DAB1: variants seen among roughly 807,000 people sequenced by gnomAD.
DAB1 encodes disabled homolog 1.
A neutral mutation model predicts 64.6 loss-of-function variants in DAB1; 15 were observed. The ratio of observed to expected loss-of-function variants is 0.23; its 90% CI spans 0.16 to 0.36. The LOEUF (loss-of-function observed/expected upper bound fraction) is 0.36. Among genes scored for constraint, DAB1 ranks in the 10% least tolerant of loss-of-function variants. The pLI is 1.00. For synonymous variants in DAB1, 235 were observed against 251.9 expected, an observed-to-expected ratio of 0.93 and a Z score of 0.64; for missense variants, 596 against 706.7, an observed-to-expected ratio of 0.84 and a Z score of 1.78.
At chr1:57,119,403 T>TAA (rs755541999) in intron 4 of DAB1, among the ~76,000 whole-genome samples, 1 of 152,142 alleles carries the variant, frequency 6.6e-6, no homozygotes, top group Non-Finnish European at 1.5e-5. Flanking sequence ...CTTGAGCACT[T>TAA]AGAGACCTCA....
chr1:57,578,616 T>C (rs1174246519), intron 7 of DAB1, among the ~76,000 whole-genome samples: 1 of 152,234 alleles, frequency 6.6e-6, no homozygotes, highest in African/African-American at 2.4e-5. Flanking sequence ...TCACTGACAC[T>C]TTGCAGGTGC....
chr1:57,268,479 C>G (rs1029127457), intron 2 of DAB1, among the ~76,000 whole-genome samples: 3 of 152,170 alleles, frequency 2.0e-5, no homozygotes, highest in African/African-American at 7.2e-5. Context: ...TACTGGCAGT[C>G]TCAATTCATC....
intron 5 of DAB1, chr1:58,048,103 C>G: frequency 1.2e-6 from 1 of 863,222 alleles, no homozygotes; most frequent in Non-Finnish European, 1.9e-6. Flanking sequence ...GCTGAGTTCA[C>G]AAATCTGTTG....
At chr1:57,409,200 T>C (rs1016531716) in intron 1 of DAB1, among the ~76,000 whole-genome samples, 13 of 152,160 alleles carry the variant, frequency 8.5e-5, no homozygotes, top group African/African-American at 2.9e-4. Context: ...ACCACAGAGG[T>C]AGCAGATAGT....
chr1:58,247,202 G>A (rs1383837763), intron 4 of DAB1, among the ~76,000 whole-genome samples: 3 of 151,400 alleles, frequency 2.0e-5, no homozygotes, highest in Non-Finnish European at 4.4e-5. Context: ...AAATCATTTT[G>A]TCATCACTGC....
At chr1:57,462,896 T>C (rs1407310982) in intron 7 of DAB1, among the ~76,000 whole-genome samples, 1 of 152,110 alleles carries the variant, frequency 6.6e-6, no homozygotes, top group African/African-American at 2.4e-5. Context: ...CTGTAGTCAG[T>C]CTGGCTTGGC....
chr1:57,499,978 T>C (rs983539775), intron 7 of DAB1, among the ~76,000 whole-genome samples: 1 of 152,200 alleles, frequency 6.6e-6, no homozygotes, highest in African/African-American at 2.4e-5. Flanking sequence ...ATATATACAT[T>C]GTATAAATTG....
rs182466747 is a variant in DAB1, at chr1:58,083,785, C to T, written n.387+66726G>A. Reference sequence around the variant, plus strand: ...AATACAATGATAGGTAGGAAAATTACGCTGATGAAAAAATTAAGCAACATC... The same window carrying T: ...AATACAATGATAGGTAGGAAAATTATGCTGATGAAAAAATTAAGCAACATC... On this transcript the variant is annotated intron_variant and non_coding_transcript_variant, in intron 5 of 20. Coordinates refer to the DAB1 transcript ENST00000485760. Among the ~76,000 whole-genome samples the T allele has an allele frequency of 1.1e-4, 16 of 152,204 alleles. 1 individual carries two copies. In the Middle Eastern group the frequency reaches 0.01, roughly 97 times the overall value.
chr1:58,008,222 T>C (rs1646614964), intron 5 of DAB1, among the ~76,000 whole-genome samples: 1 of 152,158 alleles, frequency 6.6e-6, no homozygotes, highest in South Asian at 2.1e-4. Context: ...TTAGGAAATA[T>C]TGGAGCTGGG....
intron 5 of DAB1, among the ~76,000 whole-genome samples, chr1:58,042,394 ACT>A (rs1647150068): frequency 1.3e-5 from 2 of 152,228 alleles, no homozygotes; most frequent in South Asian, 4.1e-4. Flanking sequence ...TGTATCAGAC[ACT>A]GTTAGACACT....
At chr1:58,523,756 G>A (rs112950547) in intron 2 of DAB1, among the ~76,000 whole-genome samples, 2 of 152,054 alleles carry the variant, frequency 1.3e-5, no homozygotes, top group Non-Finnish European at 1.5e-5. Flanking sequence ...AAAATTAGCC[G>A]GGCATGGTGG....
At chr1:57,879,949 C>T (rs1243799136) in intron 1 of DAB1, among the ~76,000 whole-genome samples, 1 of 152,182 alleles carries the variant, frequency 6.6e-6, no homozygotes, top group Non-Finnish European at 1.5e-5. Flanking sequence ...AGTCATTTCT[C>T]TTCTCCTGCT....
At chr1:58,188,067 C>T (rs540193570) in intron 4 of DAB1, among the ~76,000 whole-genome samples, 3 of 151,908 alleles carry the variant, frequency 2.0e-5, no homozygotes, top group South Asian at 4.2e-4. Flanking sequence ...TGCCACCATG[C>T]CCAGTGAATT....
At chr1:57,933,618 C>T (rs1644983672) in intron 5 of DAB1, among the ~76,000 whole-genome samples, 2 of 152,156 alleles carry the variant, frequency 1.3e-5, no homozygotes, top group Admixed American at 6.5e-5. Flanking sequence ...CCACAGTTTG[C>T]TTATCCTCTT....
upstream of DAB1, among the ~76,000 whole-genome samples, chr1:57,425,156 G>C (rs938354799): frequency 7.2e-5 from 11 of 152,164 alleles, no homozygotes; most frequent in African/African-American, 2.7e-4. Flanking sequence ...GGAGCCTGGT[G>C]AATCAAATCA....
At chr1:57,774,273 G>A (rs1442389715) in intron 6 of DAB1, among the ~76,000 whole-genome samples, 1 of 151,710 alleles carries the variant, frequency 6.6e-6, no homozygotes, top group Non-Finnish European at 1.5e-5. Flanking sequence ...GCCAGTATAT[G>A]AAAATATAAT....
chr1:58,499,594 T>C (rs1394183630), intron 3 of DAB1, among the ~76,000 whole-genome samples: 2 of 152,116 alleles, frequency 1.3e-5, no homozygotes, highest in Non-Finnish European at 2.9e-5. Flanking sequence ...GCATTGTTAC[T>C]ACAGTTAATA....
intron 5 of DAB1, among the ~76,000 whole-genome samples, chr1:57,991,768 C>A (rs532549212): frequency 7.1e-6 from 1 of 140,236 alleles, no homozygotes; most frequent in Non-Finnish European, 1.5e-5. Context: ...ATCACTTGAA[C>A]CTGAGAGGCG....
chr1:58,448,377 A>C (rs1276485111), intron 3 of DAB1, among the ~76,000 whole-genome samples: 2 of 152,230 alleles, frequency 1.3e-5, no homozygotes. Context: ...TAGATAACAG[A>C]AATTTTGCCT....
Sources: allele counts gnomAD v4.1 joint callset (sites outside exome capture counted in the v4.1 genomes callset), GRCh38; gene constraint gnomAD v4.1.1; transcripts MANE v1.5; gene names NCBI Gene and HGNC (gene_info 2026-07-23, HGNC 2026-07-21).